The following TENM3 variants were observed in gnomAD, a reference collection of about 807,000 sequenced individuals.
TENM3 encodes the protein teneurin-3.
TENM3 carries 63 observed loss-of-function variants against 255.1 expected under a neutral mutation model. The observed-to-expected ratio is 0.25, with a 90% CI of 0.20 to 0.30. TENM3 has a LOEUF of 0.30. TENM3 is among the 10% of genes least tolerant of loss of function. The pLI is 1.00. For synonymous variants in TENM3, 1,306 were observed against 1,322.3 expected, an observed-to-expected ratio of 0.99 and a Z score of 0.27; for missense variants, 2,929 against 3,461.1, an observed-to-expected ratio of 0.85 and a Z score of 3.86.
At chr4:181,752,246 G>C in the TENM3 span, among the ~76,000 whole-genome samples, 3 of 152,234 alleles carry the variant, frequency 2.0e-5, no homozygotes, top group South Asian at 4.1e-4. Context: ...GAAATTCCTC[G>C]TTACTACGTT....
At chr4:181,830,364 G>A in the TENM3 span, among the ~76,000 whole-genome samples, 2 of 152,124 alleles carry the variant, frequency 1.3e-5, no homozygotes, top group Non-Finnish European at 2.9e-5. Context: ...CCCATCCCGG[G>A]TTCAAGTGAT....
At chr4:181,479,566 T>C in the TENM3 span, among the ~76,000 whole-genome samples, 1 of 152,266 alleles carries the variant, frequency 6.6e-6, no homozygotes, top group African/African-American at 2.4e-5. Flanking sequence ...TACTTTATTC[T>C]ACTGTCATAA....
At chr4:182,749,195 A>G (rs1247599916) in intron 19 of TENM3, among the ~76,000 whole-genome samples, 1 of 152,196 alleles carries the variant, frequency 6.6e-6, no homozygotes, top group African/African-American at 2.4e-5. Flanking sequence ...TTTACCATGA[A>G]TGAATCATCA....
At chr4:181,982,260 C>T in the TENM3 span, among the ~76,000 whole-genome samples, 137 of 152,200 alleles carry the variant, frequency 9.0e-4, no homozygotes, top group African/African-American at 3.2e-3. Context: ...AAAAAGACCA[C>T]GTTGAACAAG....
chr4:181,714,115 C>T, the TENM3 span, among the ~76,000 whole-genome samples: 26 of 152,176 alleles, frequency 1.7e-4, no homozygotes, highest in African/African-American at 6.0e-4. Flanking sequence ...GAGAACATTT[C>T]TTTGCATGTG....
At chr4:181,907,625 C>T in the TENM3 span, among the ~76,000 whole-genome samples, 170 of 152,042 alleles carry the variant, frequency 1.1e-3, no homozygotes, top group African/African-American at 3.8e-3. Context: ...AGAGACAGCT[C>T]GGAGATACAT....
At chr4:182,035,813 G>T in the TENM3 span, among the ~76,000 whole-genome samples, 4 of 152,010 alleles carry the variant, frequency 2.6e-5, no homozygotes, top group African/African-American at 4.8e-5. Flanking sequence ...CCCTCCAAAG[G>T]TTTCCATTGT....
intron 1 of TENM3, among the ~76,000 whole-genome samples, chr4:182,272,333 C>T (rs770078366): frequency 2.4e-4 from 37 of 152,306 alleles, no homozygotes; most frequent in African/African-American, 6.5e-4. Flanking sequence ...AAAGTAACAA[C>T]GCATTGCTCT....
the TENM3 span, among the ~76,000 whole-genome samples, chr4:182,073,774 G>A: frequency 6.6e-6 from 1 of 152,114 alleles, no homozygotes; most frequent in Non-Finnish European, 1.5e-5. Context: ...CCTTACCCCA[G>A]GGAGAAATTG....
At chr4:182,448,197 G>A (rs1260516020) in intron 3 of TENM3, among the ~76,000 whole-genome samples, 1 of 152,190 alleles carries the variant, frequency 6.6e-6, no homozygotes, top group Non-Finnish European at 1.5e-5. Context: ...GGGGACGAGG[G>A]CGCAGAGCAG....
the TENM3 span, among the ~76,000 whole-genome samples, chr4:181,699,267 G>GA: frequency 6.6e-6 from 1 of 151,294 alleles, no homozygotes; most frequent in African/African-American, 2.4e-5. Context: ...TCTATCTCTA[G>GA]AAAAAATACA....
the TENM3 span, among the ~76,000 whole-genome samples, chr4:181,779,625 T>C: frequency 6.6e-6 from 1 of 151,742 alleles, no homozygotes; most frequent in African/African-American, 2.4e-5. Context: ...GTTCTGCCTG[T>C]CTAACTTAAA....
chr4:182,069,109 G>A, the TENM3 span, among the ~76,000 whole-genome samples: 1 of 152,140 alleles, frequency 6.6e-6, no homozygotes, highest in Non-Finnish European at 1.5e-5. Context: ...GAAATTGAAA[G>A]TGATAAAACT....
chr4:181,729,753 T>C, the TENM3 span, among the ~76,000 whole-genome samples: 1 of 152,172 alleles, frequency 6.6e-6, no homozygotes, highest in Non-Finnish European at 1.5e-5. Flanking sequence ...GAGGGCATTA[T>C]TGTCATTGTC....
At chr4:182,346,310 C>G (rs1177497073) in intron 2 of TENM3, among the ~76,000 whole-genome samples, 1 of 152,096 alleles carries the variant, frequency 6.6e-6, no homozygotes, top group African/African-American at 2.4e-5. Flanking sequence ...TTTCCATTGC[C>G]TCACAAGTCT....
chr4:182,780,638 A>G (rs1193138581), intron 24 of TENM3, among the ~76,000 whole-genome samples: 10 of 141,256 alleles, frequency 7.1e-5, no homozygotes, highest in Non-Finnish European at 1.4e-4. Flanking sequence ...TCTGTAAATT[A>G]CCTTGGGCAG....
chr4:181,888,534 G>GTATATATATATGTA, the TENM3 span, among the ~76,000 whole-genome samples: 2 of 45,590 alleles, frequency 4.4e-5, no homozygotes, highest in Non-Finnish European at 8.5e-5. Context: ...ATACATATAT[G>GTATATATATATGTA]TGTATATATA....
At chr4:182,631,385 T>C (rs1470380198) in intron 5 of TENM3, 1 of 152,262 alleles carries the variant, frequency 6.6e-6, no homozygotes, top group African/African-American at 2.4e-5. Flanking sequence ...GCTTCCAATT[T>C]TCATTGGTCT....
At chr4:182,710,213 T>G (rs1423835530) in intron 12 of TENM3, among the ~76,000 whole-genome samples, 1 of 152,202 alleles carries the variant, frequency 6.6e-6, no homozygotes, top group Non-Finnish European at 1.5e-5. Flanking sequence ...AATACTACCC[T>G]ATGAGAATCA....
Sources: allele counts gnomAD v4.1 joint callset (sites outside exome capture counted in the v4.1 genomes callset), GRCh38; gene constraint gnomAD v4.1.1; transcripts MANE v1.5; gene names NCBI Gene and HGNC (gene_info 2026-07-23, HGNC 2026-07-21).